The following STRIP2 variants were observed in gnomAD, a reference collection of about 807,000 sequenced individuals.
STRIP2 encodes striatin interacting protein 2, also known as striatin-interacting protein 2.
STRIP2 carries 84 observed loss-of-function variants against 107.1 expected under a neutral mutation model. That is an observed-to-expected ratio of 0.78 (90% CI 0.66 to 0.94). The LOEUF (loss-of-function observed/expected upper bound fraction) is 0.94, where lower values mean the gene tolerates loss of function less well. Ranked by LOEUF, STRIP2 falls within the 40% of genes least tolerant of loss-of-function variation. The probability of loss-of-function intolerance (pLI) is 0.00; values close to 1 mark genes in which losing one functional copy is unlikely to be tolerated. For synonymous variants in STRIP2, 394 were observed against 400.4 expected (o/e 0.98, Z 0.19); for missense variants, 888 against 1,034.2 (o/e 0.86, Z 1.94).
intron 16 of STRIP2, among the ~76,000 whole-genome samples, chr7:129,466,465 C>A (rs898540857): frequency 1.3e-5 from 2 of 152,202 alleles, no homozygotes; most frequent in Non-Finnish European, 2.9e-5. Context: ...TGTTGGTGAT[C>A]AGAGAGCTGA....
In STRIP2 at chr7:129,451,605, A is replaced by C; in HGVS notation, c.275-8A>C. On this transcript the variant is annotated splice_polypyrimidine_tract_variant and splice_region_variant and intron_variant, in intron 3 of 20. Coordinates refer to ENST00000249344, the MANE Select transcript of STRIP2 (RefSeq NM_020704.3). ...TGACACTGGATGTATATGGCCTTTT[A>C]TTCCCAGTGCAGGGCAAGGAATGGC... The C allele has an allele frequency of 6.2e-7, 1 of 1,614,084 alleles. No homozygotes were observed. The highest frequency in any genetic ancestry group is 8.5e-7 in the Non-Finnish European group (1 of 1,179,990).
chr7:129,479,427 G>T (rs1334159047), intron 18 of STRIP2, among the ~76,000 whole-genome samples: 2 of 151,890 alleles, frequency 1.3e-5, no homozygotes, highest in East Asian at 3.9e-4. Context: ...CAGACAGATG[G>T]TTCTCCTGGG....
At position 129,486,493 on chromosome 7, in the gene STRIP2, A is replaced by G. The variant is rs1190392323; in HGVS notation, c.*664A>G. ...AAAATTATTTCCTTGTGTACTCTGTATAGGGCATGGAATGCTCTGCCATTT... is the reference window on the plus strand; with the variant it reads ...AAAATTATTTCCTTGTGTACTCTGTGTAGGGCATGGAATGCTCTGCCATTT... On this transcript the variant is annotated 3_prime_UTR_variant, in exon 21 of 21. Transcript: ENST00000249344. 6.6e-6 allele frequency: 1 copy of G among 152,536 alleles called. No individual in the cohort carries two copies. Among genetic ancestry groups the G allele is most frequent in the Non-Finnish European group, 1.5e-5 (1 of 68,330 alleles). The allele number at this position is 152,536 out of a possible 1,614,324, so 9.4% of individuals were successfully genotyped here.
At position 129,440,099 on chromosome 7, in the gene STRIP2, G is replaced by C. The variant is rs1292963975; in HGVS notation, c.199+8G>C. ...ATGCAGCCGAGTTGTCAGGTATGAG[G>C]TAGATGGGTCAGTAGCTAGTGGAAG... On this transcript the variant is annotated splice_region_variant and intron_variant, in intron 2 of 20. Transcript: ENST00000249344. 2 of 1,613,312 alleles carry C rather than the reference G, an allele frequency of 1.2e-6. No individual in the cohort carries two copies. Among genetic ancestry groups the C allele is most frequent in the Admixed American group, 3.3e-5 (2 of 60,022 alleles).
At chr7:129,439,032 A>G (rs1283118522) in intron 1 of STRIP2, among the ~76,000 whole-genome samples, 1 of 152,144 alleles carries the variant, frequency 6.6e-6, no homozygotes, top group Non-Finnish European at 1.5e-5. Flanking sequence ...TTACCTAGAC[A>G]TAATTAAACT....
rs1798581797 is a variant in STRIP2, at chr7:129,463,006, A to T, written c.1517A>T (p.Tyr506Phe). The change falls in exon 14 of 21, where the codon TAC becomes TTC. Residue 506 changes from tyrosine to phenylalanine, a missense_variant. Tyr to Phe is a conservative substitution (Grantham distance 22). Transcript: ENST00000249344. ...CCAGAGACGCCATGTGAAATCCTCT[A>T]CCAGGGAATGCTGTACAGCCTTCCG... The part of the protein sequence containing the change: ...VVPETPCEIL[Y>F]QGMLYSLPQY... 1.9e-6 allele frequency: 3 copies of T among 1,613,966 alleles called. No homozygotes were observed. The highest frequency in any genetic ancestry group is 2.5e-6 in the Non-Finnish European group (3 of 1,179,948).
At chr7:129,467,318 A>G (rs1475643713) in intron 16 of STRIP2, 32 bp from the exon 17 acceptor site, 1 of 1,499,248 alleles carries the variant, frequency 6.7e-7, no homozygotes, top group Non-Finnish European at 9.3e-7. Context: ...CCTCCAAATA[A>G]GCAGCCCTTT....
rs759174988 is a variant in STRIP2, at chr7:129,456,490, G to A, written c.886G>A (p.Ala296Thr). ...GCAGACTCTCAAAGTACAGAAGCGGGCAGAATTGGGCCTGCCTCCACTGGC... is the reference window on the plus strand; with the variant it reads ...GCAGACTCTCAAAGTACAGAAGCGGACAGAATTGGGCCTGCCTCCACTGGC... ...HLQTLKVQKR[A>T]ELGLPPLAED... Residue 296 changes from alanine (A) to threonine (T), a missense_variant, in exon 9 of 21, where the codon GCA becomes ACA. Physicochemically the swap from Ala to Thr is moderately conservative, Grantham distance 58 (BLOSUM62 0). Coordinates refer to ENST00000249344, the MANE Select transcript of STRIP2 (RefSeq NM_020704.3). 6.2e-7 allele frequency: 1 copy of A among 1,614,038 alleles called. No individual in the cohort carries two copies. The highest frequency in any genetic ancestry group is 1.7e-5 in the Admixed American group (1 of 60,008).
chr7:129,473,744 G>A (rs1798848495), intron 18 of STRIP2, among the ~76,000 whole-genome samples: 1 of 151,648 alleles, frequency 6.6e-6, no homozygotes, highest in Non-Finnish European at 1.5e-5. Flanking sequence ...TTGAGATGGA[G>A]TCTCGCTCTG....
intron 4 of STRIP2, 144 bp from the exon 5 acceptor site, chr7:129,453,083 A>G (rs1326772202): frequency 3.7e-6 from 4 of 1,077,976 alleles, no homozygotes; most frequent in Non-Finnish European, 5.3e-6. Context: ...TCATTCCAGG[A>G]AGTTCTTGGG....
At chr7:129,469,709 A>C (rs1210838083) in intron 17 of STRIP2, among the ~76,000 whole-genome samples, 1 of 152,264 alleles carries the variant, frequency 6.6e-6, no homozygotes, top group African/African-American at 2.4e-5. Context: ...ACAAAGGTAA[A>C]CATTTCTGGC....
chr7:129,440,940 T>C (rs1797883187), intron 2 of STRIP2, among the ~76,000 whole-genome samples: 1 of 152,134 alleles, frequency 6.6e-6, no homozygotes, highest in Non-Finnish European at 1.5e-5. Context: ...AATTTTGTGA[T>C]GAGTGACAGA....
intron 3 of STRIP2, among the ~76,000 whole-genome samples, 174 bp from the exon 4 acceptor site, chr7:129,451,439 G>A (rs1798189131): frequency 6.6e-6 from 1 of 152,226 alleles, no homozygotes; most frequent in South Asian, 2.1e-4. Context: ...GTTCAGGCCA[G>A]AACATTTTGG....
intron 18 of STRIP2, among the ~76,000 whole-genome samples, chr7:129,480,066 T>C (rs966830057): frequency 5.3e-5 from 8 of 152,202 alleles, no homozygotes; most frequent in Non-Finnish European, 1.0e-4. Flanking sequence ...CGTGTGCTCA[T>C]TGAGTTATAT....
intron 3 of STRIP2, among the ~76,000 whole-genome samples, chr7:129,444,657 T>C (rs146495670): frequency 1.8e-3 from 281 of 152,266 alleles, no homozygotes; most frequent in Non-Finnish European, 2.8e-3. Context: ...GTCCACCCCT[T>C]GTCAGCTCGA....
At chr7:129,445,970 A>G (rs1250226932) in intron 3 of STRIP2, among the ~76,000 whole-genome samples, 2 of 152,130 alleles carry the variant, frequency 1.3e-5, no homozygotes, top group Non-Finnish European at 2.9e-5. Context: ...AATACAATCA[A>G]CCTGCCACCA....
intron 4 of STRIP2, 77 bp from the exon 5 acceptor site, chr7:129,453,150 T>G: frequency 6.3e-7 from 1 of 1,585,322 alleles, no homozygotes; most frequent in Non-Finnish European, 8.6e-7. Context: ...AGGAAAATCT[T>G]AAGATCATGG....
In STRIP2 at chr7:129,467,842, T is replaced by G. The variant is rs772182614; in HGVS notation, c.1877+392T>G. 1.4e-3 allele frequency among the ~76,000 whole-genome samples: 210 copies of G among 152,170 alleles called. 1 individual carries two copies. The highest frequency in any genetic ancestry group is 2.8e-3 in the Non-Finnish European group (189 of 68,044). On this transcript the variant is annotated intron_variant, in intron 17 of 20. Transcript: ENST00000249344. Reference sequence around the variant, plus strand: ...ATACTGTTTCATAAACTGTAATGTATTATACAAAATTTGTAACTGAAGTTA... The same window carrying G: ...ATACTGTTTCATAAACTGTAATGTAGTATACAAAATTTGTAACTGAAGTTA...
At chr7:129,482,079 G>A (rs1205949414) in intron 19 of STRIP2, among the ~76,000 whole-genome samples, 1 of 152,088 alleles carries the variant, frequency 6.6e-6, no homozygotes, top group Non-Finnish European at 1.5e-5. Context: ...TTGAACCCAG[G>A]AGGTTGAGGT....
Sources: gnomAD v4.1 joint callset for allele counts (sites outside exome capture counted in the v4.1 genomes callset) on GRCh38, gnomAD v4.1.1 for gene constraint, MANE v1.5 for transcripts, NCBI Gene and HGNC (gene_info 2026-07-23, HGNC 2026-07-21) for gene names.